The following SMG1 variants were observed in gnomAD, a reference collection of about 807,000 sequenced individuals.
SMG1 encodes serine/threonine-protein kinase SMG1.
In SMG1, 22 loss-of-function variants were observed where a neutral mutation model predicts 419.9. That is an observed-to-expected ratio of 0.05 (90% CI 0.04 to 0.07). The LOEUF (loss-of-function observed/expected upper bound fraction) is 0.07, where lower values mean the gene tolerates loss of function less well. Ranked by LOEUF, SMG1 falls within the 10% of genes least tolerant of loss-of-function variation. The pLI is 1.00. For missense variants in SMG1, 3,185 were observed against 4,342.0 expected (o/e 0.73, Z 7.49); for synonymous variants, 1,538 against 1,553.5 (o/e 0.99, Z 0.23).
intron 60 of SMG1, among the ~76,000 whole-genome samples, chr16:18,813,648 C>CT (rs1164814030): frequency 2.0e-5 from 3 of 152,120 alleles, no homozygotes; most frequent in African/African-American, 7.2e-5. Context: ...TTTTGCTGTG[C>CT]AGAAGCTCTT....
Position 18,816,438 on chromosome 16 carries a change from A to G in SMG1, c.10166T>C (p.Ile3389Thr), listed in dbSNP as rs1054814322. 6.2e-7 allele frequency: 1 copy of G among 1,613,930 alleles called. No individual in the cohort carries two copies. The highest frequency in any genetic ancestry group is 1.3e-5 in the African/African-American group (1 of 75,044). ...TATCTGCTGCTCTTTCTCTGTCTGAATTGCCCTCTGAGTAGACATATCCTG... is the reference window on the plus strand; with the variant it reads ...TATCTGCTGCTCTTTCTCTGTCTGAGTTGCCCTCTGAGTAGACATATCCTG... Reference protein sequence around the residue: ...LTQDMSTQRAIQTEKEQQIET... With the variant: ...LTQDMSTQRATQTEKEQQIET... The change falls in exon 58 of 63, where the codon ATT (isoleucine) becomes ACT (threonine). Residue 3389 changes from isoleucine (I) to threonine (T), a missense_variant. By Grantham distance (89) the Ile-to-Thr change is moderately conservative. This residue lies in a region of SMG1 where 737 missense variants were observed against 846.6 expected (regional missense o/e 0.87). Coordinates refer to ENST00000446231, the MANE Select transcript of SMG1 (RefSeq NM_015092.5).
chr16:18,809,756 T>C (rs1436562714), intron 62 of SMG1, 110 bp from the exon 63 acceptor site: 2 of 734,096 alleles, frequency 2.7e-6, no homozygotes, highest in Non-Finnish European at 2.4e-6. Flanking sequence ...AAGGACTCTA[T>C]ACTTACCCTG....
chr16:18,905,772 C>CT (rs2037537358), intron 1 of SMG1, among the ~76,000 whole-genome samples: 1 of 151,924 alleles, frequency 6.6e-6, no homozygotes, highest in Non-Finnish European at 1.5e-5. Flanking sequence ...CTACCACACC[C>CT]GGCTAATTTT....
At chr16:18,854,601 TCATATA>T (rs1391031374) in intron 30 of SMG1, 49 bp downstream of exon 30, 4 of 1,485,194 alleles carry the variant, frequency 2.7e-6, no homozygotes, top group East Asian at 4.8e-5. Flanking sequence ...ACAGTAACAT[TCATATA>T]CATGATTTTT....
chr16:18,893,916 G>A (rs1349232090), intron 3 of SMG1, among the ~76,000 whole-genome samples: 1 of 151,990 alleles, frequency 6.6e-6, no homozygotes, highest in Non-Finnish European at 1.5e-5. Flanking sequence ...AATTAGCCGG[G>A]CGTGGTGGCG....
chr16:18,906,948 G>A (rs1040152772), intron 1 of SMG1, among the ~76,000 whole-genome samples: 1 of 152,214 alleles, frequency 6.6e-6, no homozygotes, highest in African/African-American at 2.4e-5. Context: ...CTGCACACAG[G>A]TGCCCTGCTG....
At chr16:18,919,288 G>A (rs553544160) in intron 1 of SMG1, among the ~76,000 whole-genome samples, 28 of 151,578 alleles carry the variant, frequency 1.8e-4, no homozygotes, top group African/African-American at 6.8e-4. Context: ...GACTGCACCA[G>A]TGCATTTCAG....
At chr16:18,916,076 A>G (rs1596658097) in intron 1 of SMG1, among the ~76,000 whole-genome samples, 1 of 122,480 alleles carries the variant, frequency 8.2e-6, no homozygotes, top group Non-Finnish European at 1.7e-5. Context: ...TCTCAAAAAA[A>G]AAAAAAAAAA....
At position 18,877,158 on chromosome 16, in the gene SMG1, T is replaced by G; in HGVS notation, c.1593A>C (p.Leu531=). 2 of 1,555,012 alleles carry G rather than the reference T, an allele frequency of 1.3e-6. No homozygotes were observed. Among genetic ancestry groups the G allele is most frequent in the Admixed American group, 1.8e-5 (1 of 54,704 alleles). Residue 531 remains leucine (L), a synonymous_variant, in exon 12 of 63, where the codon CTA becomes CTC. Transcript: ENST00000446231. ...CTTTTTCTTTATGATAACGCAAGAATAGTAGTTTAGATGATGGTATAAACA... is the reference window on the plus strand; with the variant it reads ...CTTTTTCTTTATGATAACGCAAGAAGAGTAGTTTAGATGATGGTATAAACA... ...EKLFIPSSKL[L]FLRYHKEKEV... is the part of the protein sequence containing the mutation.
chr16:18,894,235 G>C (rs1000260326), intron 3 of SMG1, among the ~76,000 whole-genome samples: 2 of 151,846 alleles, frequency 1.3e-5, no homozygotes, highest in Non-Finnish European at 2.9e-5. Flanking sequence ...CATGACACAA[G>C]TTTACCAATG....
At chr16:18,859,369 T>C (rs1203166219) in intron 27 of SMG1, 187 bp downstream of exon 27, 18 of 699,758 alleles carry the variant, frequency 2.6e-5, no homozygotes, top group Middle Eastern at 4.0e-4. Flanking sequence ...TTACATTTTA[T>C]TTCATTTCAA....
chr16:18,850,139 G>T lies in SMG1; in HGVS notation c.5284-13C>A. ...CATCTAAAGGAATCTAAGAGTGAAAGATGAGGGGAATAAATAAGAAAATAA... is the reference window on the plus strand; with the variant it reads ...CATCTAAAGGAATCTAAGAGTGAAATATGAGGGGAATAAATAAGAAAATAA... On this transcript the variant is annotated splice_polypyrimidine_tract_variant and intron_variant, in intron 34 of 62. Transcript: ENST00000446231. The T allele has an allele frequency of 6.2e-7, 1 of 1,606,966 alleles. No individual in the cohort carries two copies. Among genetic ancestry groups the T allele is most frequent in the Non-Finnish European group, 8.5e-7 (1 of 1,176,404 alleles).
intron 20 of SMG1, 68 bp downstream of exon 20, chr16:18,869,036 A>G (rs182586763): frequency 2.6e-4 from 347 of 1,355,628 alleles, no homozygotes; most frequent in Admixed American, 7.7e-4. Flanking sequence ...TTTAACAAAG[A>G]TTTAAGAATC....
chr16:18,904,030 C>T (rs1303699389), intron 1 of SMG1, among the ~76,000 whole-genome samples: 2 of 150,692 alleles, frequency 1.3e-5, no homozygotes, highest in Admixed American at 1.3e-4. Flanking sequence ...CTCCGCCTCC[C>T]GGATTCACGC....
At chr16:18,812,645 TATACAC>T (rs1567308449) in intron 60 of SMG1, among the ~76,000 whole-genome samples, 1 of 100,604 alleles carries the variant, frequency 9.9e-6, no homozygotes, top group African/African-American at 3.6e-5. Context: ...TATATACACA[TATACAC>T]ACACACACAC....
At chr16:18,900,110 A>G (rs1596626667) in intron 1 of SMG1, 1 of 786,888 alleles carries the variant, frequency 1.3e-6, no homozygotes, top group East Asian at 2.7e-5. Context: ...TCAAACATGG[A>G]GCAAATATCA....
At chr16:18,840,042 T>C in intron 41 of SMG1, 96 bp from the exon 42 acceptor site, 1 of 979,506 alleles carries the variant, frequency 1.0e-6, no homozygotes. Context: ...TTAAAAATGA[T>C]TTTTCAGTAG....
chr16:18,919,304 G>C (rs572353624), intron 1 of SMG1, among the ~76,000 whole-genome samples: 1 of 151,662 alleles, frequency 6.6e-6, no homozygotes, highest in South Asian at 2.1e-4. Flanking sequence ...TTCAGCCTGG[G>C]CAACACAGTG....
At chr16:18,904,094 C>T (rs1406752267) in intron 1 of SMG1, among the ~76,000 whole-genome samples, 3 of 150,958 alleles carry the variant, frequency 2.0e-5, no homozygotes, top group Admixed American at 1.3e-4. Flanking sequence ...CCCAACACCA[C>T]GCCCGGCTAA....
Sources: gnomAD v4.1 joint callset for allele counts (sites outside exome capture counted in the v4.1 genomes callset) on GRCh38, gnomAD v4.1.1 for gene constraint, gnomAD v4.1.1 regional missense constraint, MANE v1.5 for transcripts, NCBI Gene and HGNC (gene_info 2026-07-23, HGNC 2026-07-21) for gene names.